The following DMXL1 variants were observed in gnomAD, a reference collection of about 807,000 sequenced individuals.
DMXL1 encodes the protein dmX-like protein 1.
Under a neutral mutation model 319.2 loss-of-function variants are expected in DMXL1, and 99 were observed. That is an observed-to-expected ratio of 0.31 (90% confidence interval 0.26 to 0.37). The LOEUF (loss-of-function observed/expected upper bound fraction) is 0.37. Among genes scored for constraint, DMXL1 ranks in the 10% least tolerant of loss-of-function variants. DMXL1 has a pLI of 1.00. For missense variants in DMXL1, 3,745 were observed against 3,595.6 expected, an observed-to-expected ratio of 1.04 and a Z score of -1.06; for synonymous variants, 1,385 against 1,235.2, an observed-to-expected ratio of 1.12 and a Z score of -2.54.
chr5:119,141,204 A>G (rs1405686600), intron 13 of DMXL1, among the ~76,000 whole-genome samples: 1 of 152,200 alleles, frequency 6.6e-6, no homozygotes, highest in Non-Finnish European at 1.5e-5. Context: ...CAAGGAAAGG[A>G]TGCCCTGTCT....
intron 38 of DMXL1, among the ~76,000 whole-genome samples, chr5:119,228,613 A>G (rs985328893): frequency 2.0e-5 from 3 of 152,164 alleles, no homozygotes; most frequent in African/African-American, 4.8e-5. Flanking sequence ...AATTAAGCCT[A>G]ATTATTTTAA....
At chr5:119,178,997 A>C (rs1376454554) in intron 28 of DMXL1, among the ~76,000 whole-genome samples, 1 of 152,192 alleles carries the variant, frequency 6.6e-6, no homozygotes, top group African/African-American at 2.4e-5. Context: ...ATGGCTTGAA[A>C]TGACTAGAAA....
At chr5:119,125,800 G>A (rs1763418274) in intron 9 of DMXL1, among the ~76,000 whole-genome samples, 1 of 151,870 alleles carries the variant, frequency 6.6e-6, no homozygotes, top group African/African-American at 2.4e-5. Context: ...TCCTGACCTC[G>A]TGATCCACCC....
At chr5:119,092,594 A>G (rs1755031289) in intron 1 of DMXL1, among the ~76,000 whole-genome samples, 1 of 152,214 alleles carries the variant, frequency 6.6e-6, no homozygotes, top group Non-Finnish European at 1.5e-5. Flanking sequence ...ATCTGATTAT[A>G]GAACATTTTC....
intron 9 of DMXL1, among the ~76,000 whole-genome samples, chr5:119,125,378 G>C (rs946980124): frequency 2.0e-4 from 30 of 152,062 alleles, no homozygotes; most frequent in Admixed American, 3.3e-4. Context: ...AGTATAAAAA[G>C]GAAGTTAAAG....
intron 1 of DMXL1, among the ~76,000 whole-genome samples, chr5:119,077,479 GTTT>G (rs774672621): frequency 1.4e-5 from 1 of 70,174 alleles, no homozygotes; most frequent in South Asian, 7.3e-4. Context: ...TTCATCTTAG[GTTT>G]TTTTTTTTTT....
chr5:119,143,982 A>T (rs1372340964), intron 14 of DMXL1, 52 bp downstream of exon 14: 4 of 1,161,830 alleles, frequency 3.4e-6, no homozygotes, highest in Non-Finnish European at 5.0e-6. Context: ...TTATGAAAGC[A>T]TTTTGCATAA....
intron 9 of DMXL1, among the ~76,000 whole-genome samples, chr5:119,122,141 C>T (rs1331992604): frequency 7.4e-6 from 1 of 134,550 alleles, no homozygotes. Flanking sequence ...GGGGGGCTGA[C>T]CCCCCCACCT....
chr5:119,114,426 T>C (rs1229626239), intron 5 of DMXL1, 49 bp from the exon 6 acceptor site: 2 of 1,359,596 alleles, frequency 1.5e-6, no homozygotes, highest in Non-Finnish European at 2.1e-6. Flanking sequence ...ATTGAACTTT[T>C]TCTTTTTAGT....
intron 19 of DMXL1, among the ~76,000 whole-genome samples, chr5:119,154,127 A>G (rs578189757): frequency 2.4e-4 from 36 of 152,180 alleles, no homozygotes; most frequent in African/African-American, 7.9e-4. Context: ...CTCTGCTCAG[A>G]CCTCCCTATT....
chr5:119,187,432 C>T (rs530954079), intron 28 of DMXL1, among the ~76,000 whole-genome samples: 2 of 152,156 alleles, frequency 1.3e-5, no homozygotes, highest in African/African-American at 4.8e-5. Flanking sequence ...CTAAGCTTCA[C>T]GACCAATCTG....
In DMXL1 at chr5:119,129,283, T is replaced by A. The variant is rs774353618; in HGVS notation, c.1175T>A (p.Val392Glu). The change falls in exon 10 of 44, where the codon GTA becomes GAA. Residue 392 changes from valine (V) to glutamate (E), a missense_variant. Val to Glu is a moderately radical substitution (Grantham distance 121). Transcript: ENST00000539542. ...GAAGAGAAGACCGGACCTTTTGTTGTACACTGGCTAAACAATAAAGAACTG... is the reference window on the plus strand; with the variant it reads ...GAAGAGAAGACCGGACCTTTTGTTGAACACTGGCTAAACAATAAAGAACTG... ...ENEEKTGPFV[V>E]HWLNNKELHF... is the part of the protein sequence containing the mutation. The A allele has an allele frequency of 6.2e-7, 1 of 1,613,802 alleles. No individual in the cohort carries two copies. Among genetic ancestry groups the A allele is most frequent in the Non-Finnish European group, 8.5e-7 (1 of 1,179,806 alleles).
intron 3 of DMXL1, among the ~76,000 whole-genome samples, chr5:119,102,836 T>G (rs1757549193): frequency 1.3e-5 from 2 of 152,042 alleles, no homozygotes; most frequent in African/African-American, 4.8e-5. Context: ...AGAAGATAAG[T>G]GTAGTGTCAT....
At chr5:119,165,304 AG>A (rs1773188489) in intron 21 of DMXL1, 24 bp downstream of exon 21, 36 of 965,556 alleles carry the variant, frequency 3.7e-5, no homozygotes, top group East Asian at 5.7e-5. Context: ...AAAAAAAAAA[AG>A]GGTGCTTCAA....
chr5:119,223,808 G>A (rs1286955935), intron 37 of DMXL1, among the ~76,000 whole-genome samples: 2 of 151,914 alleles, frequency 1.3e-5, no homozygotes, highest in Admixed American at 6.6e-5. Flanking sequence ...AGCAAGAATA[G>A]GAACCTTCAG....
chr5:119,150,414 A>T lies in DMXL1; in HGVS notation c.4587A>T (p.Arg1529Ser). 6.2e-7 allele frequency: 1 copy of T among 1,608,642 alleles called. No homozygotes were observed. Among genetic ancestry groups the T allele is most frequent in the Non-Finnish European group, 8.5e-7 (1 of 1,177,958 alleles). ...TSTDIGESRD[R>S]SQGGETLDEC... ...CTGATATTGGAGAAAGCCGAGACAG[A>T]AGCCAAGGTAAAACTAAACTCCGTA... Residue 1529 changes from arginine to serine, a missense_variant, in exon 18 of 44, where the codon AGA becomes AGT. By Grantham distance (110) the Arg-to-Ser change is moderately radical. This residue lies in a region of DMXL1 where 2,096 missense variants were observed against 1,985.4 expected (regional missense o/e 1.06). Coordinates refer to ENST00000539542, the MANE Select transcript of DMXL1 (RefSeq NM_001290321.3).
intron 25 of DMXL1, among the ~76,000 whole-genome samples, 163 bp from the exon 26 acceptor site, chr5:119,175,098 T>G (rs1296978990): frequency 6.6e-6 from 1 of 152,130 alleles, no homozygotes; most frequent in East Asian, 1.9e-4. Flanking sequence ...GTAAGACTCA[T>G]GTAGATAAAA....
intron 1 of DMXL1, among the ~76,000 whole-genome samples, chr5:119,085,364 AT>A (rs1363625253): frequency 1.3e-5 from 2 of 151,128 alleles, no homozygotes; most frequent in Non-Finnish European, 2.9e-5. Context: ...AAATAAATAA[AT>A]ATAATAATAA....
At position 119,071,417 on chromosome 5, in the gene DMXL1, C is replaced by T; in HGVS notation, c.-153C>T. ...GGGGCTCGGGATGAGTCGCGGGCCC[C>T]AGCTGAGCGGCTCCGGCTCCAGGCG... On this transcript the variant is annotated 5_prime_UTR_variant, in exon 1 of 44. An upstream open reading frame in the 5' UTR gains an earlier in-frame stop. Transcript: ENST00000539542. 1 of 753,816 alleles carries T rather than the reference C, an allele frequency of 1.3e-6. No homozygotes were observed. Among genetic ancestry groups the T allele is most frequent in the Admixed American group, 2.3e-5 (1 of 43,916 alleles). The allele number at this position is 753,816 out of a possible 1,614,324, so 46.7% of individuals were successfully genotyped here. A position where few individuals can be genotyped will look rare whatever the true frequency, so the allele number is the denominator to read the frequency against.
Sources: gnomAD v4.1 joint callset for allele counts (sites outside exome capture counted in the v4.1 genomes callset) on GRCh38, gnomAD v4.1.1 for gene constraint, gnomAD v4.1.1 regional missense constraint, MANE v1.5 for transcripts, NCBI Gene and HGNC (gene_info 2026-07-23, HGNC 2026-07-21) for gene names.